Variants in NCALD observed in about 807,000 individuals in gnomAD.
NCALD encodes the protein neurocalcin delta.
In NCALD, 10 loss-of-function variants were observed where a neutral mutation model predicts 18.6. That is an observed-to-expected ratio of 0.54 (90% confidence interval 0.33 to 0.91). The LOEUF (loss-of-function observed/expected upper bound fraction) is 0.91, where lower values mean the gene tolerates loss of function less well. NCALD is among the 40% of genes least tolerant of loss of function. NCALD has a pLI of 0.03. For missense variants in NCALD, 184 were observed against 247.6 expected (o/e 0.74, Z 1.72); for synonymous variants, 88 against 87.4 (o/e 1.01, Z -0.04).
chr8:101,956,484 C>G (rs548985677), intron 2 of NCALD, among the ~76,000 whole-genome samples: 1 of 152,086 alleles, frequency 6.6e-6, no homozygotes, highest in Non-Finnish European at 1.5e-5. Context: ...AAACACACAC[C>G]GAAGGCAAGT....
upstream of NCALD, chr8:102,124,508 C>CG (rs1483246288): frequency 7.0e-6 from 1 of 142,562 alleles, no homozygotes; most frequent in African/African-American, 2.5e-5. Flanking sequence ...CCCCCCCCTC[C>CG]CCCGCTTGCC....
intron 1 of NCALD, among the ~76,000 whole-genome samples, chr8:102,058,249 A>T (rs1031450983): frequency 2.6e-5 from 4 of 152,216 alleles, no homozygotes; most frequent in African/African-American, 9.6e-5. Context: ...AGGCAATGAG[A>T]ATATAAAGTT....
At chr8:101,712,610 A>AAAAAAAAAG (rs1815859342) in intron 2 of NCALD, among the ~76,000 whole-genome samples, 1 of 144,866 alleles carries the variant, frequency 6.9e-6, no homozygotes, top group African/African-American at 2.5e-5. Context: ...AAAAAAAAAA[A>AAAAAAAAAG]ATAGCAGAGG....
At chr8:101,994,607 G>A (rs1192104799) in intron 2 of NCALD, among the ~76,000 whole-genome samples, 1 of 152,368 alleles carries the variant, frequency 6.6e-6, no homozygotes, top group African/African-American at 2.4e-5. Context: ...CTGAGGAGAA[G>A]CAGCAGGGCA....
chr8:101,832,794 G>A (rs779053244), intron 4 of NCALD, among the ~76,000 whole-genome samples: 31 of 152,138 alleles, frequency 2.0e-4, no homozygotes, highest in Non-Finnish European at 2.6e-4. Flanking sequence ...GACGACTGCC[G>A]TCTTGGCACC....
chr8:101,767,599 A>C (rs1811403305), intron 1 of NCALD, among the ~76,000 whole-genome samples: 1 of 152,194 alleles, frequency 6.6e-6, no homozygotes, highest in Non-Finnish European at 1.5e-5. Flanking sequence ...GACTCAACTG[A>C]TCTGGACTTC....
intron 4 of NCALD, among the ~76,000 whole-genome samples, chr8:101,851,582 C>T (rs1201727856): frequency 2.0e-5 from 3 of 152,002 alleles, no homozygotes; most frequent in African/African-American, 7.2e-5. Context: ...AATAATCAAA[C>T]TCTGTCTTGG....
chr8:101,712,754 T>C (rs1383133866), intron 2 of NCALD, among the ~76,000 whole-genome samples: 1 of 152,122 alleles, frequency 6.6e-6, no homozygotes, highest in African/African-American at 2.4e-5. Context: ...ATGCACCCAA[T>C]ACAGGAGCAC....
At chr8:101,902,286 T>TAC (rs1817460046) in intron 3 of NCALD, among the ~76,000 whole-genome samples, 1 of 82,874 alleles carries the variant, frequency 1.2e-5, no homozygotes, top group Non-Finnish European at 2.4e-5. Context: ...TTTTTTTTTT[T>TAC]TTTTTAACTT....
At chr8:101,707,408 G>C (rs965510387) in intron 2 of NCALD, among the ~76,000 whole-genome samples, 1 of 152,156 alleles carries the variant, frequency 6.6e-6, no homozygotes, top group African/African-American at 2.4e-5. Context: ...AGGATAAGCT[G>C]TTTTTGCATG....
intron 2 of NCALD, among the ~76,000 whole-genome samples, chr8:101,976,200 T>G: frequency 6.6e-6 from 1 of 152,194 alleles, no homozygotes. Context: ...TGCTGCACTA[T>G]CTCTAAATGA....
At chr8:101,712,446 A>G (rs762389153) in intron 2 of NCALD, among the ~76,000 whole-genome samples, 3 of 152,268 alleles carry the variant, frequency 2.0e-5, no homozygotes, top group Admixed American at 6.5e-5. Flanking sequence ...AATGCCCCCA[A>G]TTAAAAGGCA....
At chr8:102,008,957 CACACACACACAA>C (rs1821810046) in intron 2 of NCALD, among the ~76,000 whole-genome samples, 1 of 141,514 alleles carries the variant, frequency 7.1e-6, no homozygotes, top group Non-Finnish European at 1.5e-5. Flanking sequence ...CACACACACA[CACACACACACAA>C]GCCCTAAAAG....
chr8:102,111,590 C>A (rs548541724), intron 1 of NCALD, among the ~76,000 whole-genome samples: 1 of 152,218 alleles, frequency 6.6e-6, no homozygotes, highest in Non-Finnish European at 1.5e-5. Flanking sequence ...GAACCCCAGC[C>A]AGAGCAACAC....
intron 1 of NCALD, among the ~76,000 whole-genome samples, chr8:102,040,661 A>C (rs1823020726): frequency 6.6e-6 from 1 of 151,376 alleles, no homozygotes; most frequent in South Asian, 2.1e-4. Flanking sequence ...ATACTCCAGA[A>C]AGGATCCTGG....
intron 4 of NCALD, among the ~76,000 whole-genome samples, chr8:101,884,245 T>C (rs747583854): frequency 6.6e-6 from 1 of 152,244 alleles, no homozygotes; most frequent in Non-Finnish European, 1.5e-5. Context: ...CTGCATTTTA[T>C]AGTCTCATAG....
intron 3 of NCALD, among the ~76,000 whole-genome samples, chr8:101,900,494 C>T (rs898746511): frequency 6.6e-6 from 1 of 151,908 alleles, no homozygotes; most frequent in Non-Finnish European, 1.5e-5. Context: ...TATATTAGTG[C>T]TATAAATTTT....
At position 101,863,136 on chromosome 8, in the gene NCALD, C is replaced by T. The variant is rs556548048; in HGVS notation, c.-20+24005G>A. ...CGTGTGCTCACCTCCTCAGAACTCCCACCCAGCTCCCAAACCTCCTCCTCA... is the reference window on the plus strand; with the variant it reads ...CGTGTGCTCACCTCCTCAGAACTCCTACCCAGCTCCCAAACCTCCTCCTCA... On this transcript the variant is annotated intron_variant, in intron 4 of 6. Coordinates refer to the NCALD transcript ENST00000311028. 3.9e-5 allele frequency among the ~76,000 whole-genome samples: 6 copies of T among 152,288 alleles called. No individual in the cohort carries two copies. The South Asian group carries it at 1.0e-3, about 26-fold the overall frequency.
At chr8:102,031,468 G>A (rs75887553) in intron 1 of NCALD, among the ~76,000 whole-genome samples, 2,068 of 152,288 alleles carry the variant, frequency 0.014, 51 homozygotes, top group African/African-American at 0.047. Context: ...CTTCTAGGGA[G>A]GCTGGTGAAG....
Sources: allele counts gnomAD v4.1 joint callset (sites outside exome capture counted in the v4.1 genomes callset), GRCh38; gene constraint gnomAD v4.1.1; transcripts MANE v1.5; gene names NCBI Gene and HGNC (gene_info 2026-07-23, HGNC 2026-07-21).